EPHB2: variants seen among roughly 807,000 people sequenced by gnomAD.
EPHB2 encodes the protein ephrin type-B receptor 2.
Under a neutral mutation model 96.4 loss-of-function variants are expected in EPHB2, and 18 were observed. The observed-to-expected ratio is 0.19, with a 90% CI of 0.13 to 0.28. The LOEUF is 0.28. Among genes scored for constraint, EPHB2 ranks in the 10% least tolerant of loss-of-function variants. The pLI is 1.00. For missense variants in EPHB2, 989 were observed against 1,355.4 expected, an observed-to-expected ratio of 0.73 and a Z score of 4.25; for synonymous variants, 506 against 534.1, an observed-to-expected ratio of 0.95 and a Z score of 0.72.
At chr1:22,742,324 CA>C (rs1174046961) in intron 1 of EPHB2, among the ~76,000 whole-genome samples, 9 of 152,034 alleles carry the variant, frequency 5.9e-5, no homozygotes, top group Non-Finnish European at 8.8e-5. Flanking sequence ...GGGCTGGGAA[CA>C]GTTAGGAATA....
Position 22,909,746 on chromosome 1 carries a change from A to G in EPHB2, c.2502+575A>G, listed in dbSNP as rs577506250. On this transcript the variant is annotated intron_variant, in intron 13 of 15. Coordinates refer to ENST00000374630, the MANE Select transcript of EPHB2 (RefSeq NM_017449.5). Reference sequence around the variant, plus strand: ...AAACCAAGGGATCTCCATTAGCAAAAATGAAGACAGGAAGGACTCGAAGAA... The same window carrying G: ...AAACCAAGGGATCTCCATTAGCAAAGATGAAGACAGGAAGGACTCGAAGAA... Among the ~76,000 whole-genome samples the G allele has an allele frequency of 9.2e-5, 14 of 152,276 alleles. No homozygotes were observed. In the East Asian group the frequency reaches 2.7e-3, roughly 29 times the overall value.
intron 7 of EPHB2, among the ~76,000 whole-genome samples, chr1:22,895,053 C>T (rs1056234839): frequency 6.6e-6 from 1 of 152,126 alleles, no homozygotes; most frequent in Non-Finnish European, 1.5e-5. Flanking sequence ...AGTCACTTTG[C>T]CTTATCACAC....
At chr1:22,827,997 A>G (rs983207242) in intron 3 of EPHB2, among the ~76,000 whole-genome samples, 5 of 152,242 alleles carry the variant, frequency 3.3e-5, no homozygotes, top group African/African-American at 9.6e-5. Context: ...GTGTGTCCAC[A>G]CAGCCACACA....
intron 3 of EPHB2, among the ~76,000 whole-genome samples, chr1:22,826,454 G>A (rs1645225190): frequency 6.6e-6 from 1 of 152,214 alleles, no homozygotes; most frequent in Admixed American, 6.5e-5. Context: ...AGATTTGGAT[G>A]CTGATTCTAA....
rs144430218 is a variant in EPHB2 at position 22,825,354 on chromosome 1, T to C, written c.812-37683T>C. Among the ~76,000 whole-genome samples, 572 of 152,328 alleles carry C rather than the reference T, an allele frequency of 3.8e-3. 2 individuals carry two copies. Among genetic ancestry groups the C allele is most frequent in the African/African-American group, 0.013 (551 of 41,564 alleles). ...TTCAGGGGTGATCTGCATACACACC[T>C]AACTCCTCGGATGATCCAGTTGGAA... On this transcript the variant is annotated intron_variant, in intron 3 of 15. Coordinates refer to ENST00000374630, the MANE Select transcript of EPHB2 (RefSeq NM_017449.5).
At chr1:22,900,484 C>A (rs1351451666) in intron 9 of EPHB2, among the ~76,000 whole-genome samples, 1 of 152,118 alleles carries the variant, frequency 6.6e-6, no homozygotes, top group Non-Finnish European at 1.5e-5. Flanking sequence ...GAAACTGAGG[C>A]ACAGAGGTTG....
At position 22,905,983 on chromosome 1, in the gene EPHB2, C is replaced by G. The variant is rs547805259; in HGVS notation, c.1766-4C>G. 1 of 1,614,054 alleles carries G rather than the reference C, an allele frequency of 6.2e-7. No individual in the cohort carries two copies. The highest frequency in any genetic ancestry group is 8.5e-7 in the Non-Finnish European group (1 of 1,180,002). ...ATATGACAGAGCCTGGTCTTGTCCCCCAGTGACCCCAGGCATGAAGATCTA... is the reference window on the plus strand; with the variant it reads ...ATATGACAGAGCCTGGTCTTGTCCCGCAGTGACCCCAGGCATGAAGATCTA... On this transcript the variant is annotated splice_region_variant and splice_polypyrimidine_tract_variant and intron_variant, in intron 9 of 15. Transcript: ENST00000374630.
chr1:22,834,239 C>T (rs1645347635), intron 3 of EPHB2, among the ~76,000 whole-genome samples: 1 of 152,162 alleles, frequency 6.6e-6, no homozygotes, highest in African/African-American at 2.4e-5. Flanking sequence ...AGATTTACCA[C>T]ACAGAATGTC....
In EPHB2 at chr1:22,812,533, G is replaced by A. The variant is rs747543740; in HGVS notation, c.811+27457G>A. The stretch of plus-strand genomic sequence containing the variant: ...CCTCAGAATGAAGGAAATTGGGGGC[G>A]GGGGCTGTGGAGAGCGAGACGTTGC... On this transcript the variant is annotated intron_variant, in intron 3 of 15. Coordinates refer to ENST00000374630, the MANE Select transcript of EPHB2 (RefSeq NM_017449.5). Among the ~76,000 whole-genome samples the A allele has an allele frequency of 5.3e-4, 80 of 152,280 alleles. 1 individual carries two copies. The highest frequency in any genetic ancestry group is 9.0e-4 in the Non-Finnish European group (61 of 67,998).
intron 3 of EPHB2, among the ~76,000 whole-genome samples, chr1:22,826,690 G>C (rs892215211): frequency 6.6e-6 from 1 of 152,208 alleles, no homozygotes; most frequent in Non-Finnish European, 1.5e-5. Flanking sequence ...GCTGGAGCTG[G>C]TCTGGCTCAC....
chr1:22,819,205 G>GTCTCTCTCTC (rs71020453), intron 3 of EPHB2, among the ~76,000 whole-genome samples: 7,625 of 103,292 alleles, frequency 0.074, 886 homozygotes, highest in Admixed American at 0.12. Context: ...CCCAGCAGAT[G>GTCTCTCTCTC]TCTCTCTCTC....
In EPHB2 at chr1:22,907,946, C is replaced by A. The variant is rs1331678604; in HGVS notation, c.2137-7C>A. 4 of 1,614,132 alleles carry A rather than the reference C, an allele frequency of 2.5e-6. No individual in the cohort carries two copies. The African/African-American group carries it at 5.3e-5, about 22-fold the overall frequency. On this transcript the variant is annotated splice_polypyrimidine_tract_variant and splice_region_variant and intron_variant, in intron 11 of 15. Transcript: ENST00000374630. ...TTTACTCTGTGTTTTCCCCACTTCT[C>A]CCAAAGCAAAACGATGGGCAGTTCA...
At chr1:22,785,612 C>T (rs977732261) in intron 3 of EPHB2, among the ~76,000 whole-genome samples, 18 of 152,316 alleles carry the variant, frequency 1.2e-4, no homozygotes, top group African/African-American at 4.3e-4. Context: ...CACCACCATT[C>T]GGGATGTTGC....
intron 3 of EPHB2, among the ~76,000 whole-genome samples, chr1:22,833,109 T>A (rs905100235): frequency 1.3e-5 from 2 of 152,090 alleles, no homozygotes; most frequent in African/African-American, 4.8e-5. Context: ...TTAAGGGATT[T>A]TTTTTTCTTT....
intron 1 of EPHB2, among the ~76,000 whole-genome samples, chr1:22,732,750 G>C (rs150884879): frequency 1.3e-5 from 2 of 152,138 alleles, no homozygotes; most frequent in Non-Finnish European, 2.9e-5. Flanking sequence ...TACAAGGCGC[G>C]CTCACATTGA....
chr1:22,755,744 A>G (rs1019883313), intron 1 of EPHB2, among the ~76,000 whole-genome samples: 8 of 152,240 alleles, frequency 5.3e-5, no homozygotes, highest in East Asian at 3.8e-4. Flanking sequence ...AGGATATTAA[A>G]TATTCATAAA....
chr1:22,773,200 T>C (rs1644402580), intron 1 of EPHB2, among the ~76,000 whole-genome samples: 1 of 152,214 alleles, frequency 6.6e-6, no homozygotes, highest in East Asian at 1.9e-4. Flanking sequence ...ATTTTACAGA[T>C]GAGGAAACAG....
At chr1:22,786,722 G>A (rs765808296) in intron 3 of EPHB2, among the ~76,000 whole-genome samples, 2 of 152,164 alleles carry the variant, frequency 1.3e-5, no homozygotes, top group Non-Finnish European at 2.9e-5. Context: ...GAGGAGAGGC[G>A]AGATCAAAGG....
intron 1 of EPHB2, among the ~76,000 whole-genome samples, chr1:22,732,368 G>T (rs2148353395): frequency 6.6e-6 from 1 of 151,686 alleles, no homozygotes; most frequent in South Asian, 2.1e-4. Context: ...GAGGCAGCAG[G>T]GTTTGGGGAA....
Sources: allele counts gnomAD v4.1 joint callset (sites outside exome capture counted in the v4.1 genomes callset), GRCh38; gene constraint gnomAD v4.1.1; transcripts MANE v1.5; gene names NCBI Gene and HGNC (gene_info 2026-07-23, HGNC 2026-07-21).